CERS6: variants seen among roughly 807,000 people sequenced by gnomAD.
CERS6 encodes the protein LAG1 homolog, ceramide synthase 6.
In CERS6, 26 loss-of-function variants were observed where a neutral mutation model predicts 56.8. The observed-to-expected ratio is 0.46, with a 90% CI of 0.34 to 0.63. The LOEUF (loss-of-function observed/expected upper bound fraction) is 0.63. CERS6 is among the 30% of genes least tolerant of loss of function. The pLI, the probability that CERS6 is intolerant of heterozygous loss-of-function variation, is 0.01. For synonymous variants in CERS6, 164 were observed against 173.3 expected, an observed-to-expected ratio of 0.95 and a Z score of 0.42; for missense variants, 415 against 467.5, an observed-to-expected ratio of 0.89 and a Z score of 1.04.
rs548198272 is a variant in CERS6 at position 168,758,756 on chromosome 2, T to C, written c.846-6836T>C. ...TGGAAGTCGCATGAGAATGGGGAAA[T>C]TGAGCATTGGAGGTAGGTTTTTTGG... On this transcript the variant is annotated intron_variant, in intron 8 of 9. Coordinates refer to ENST00000305747, the MANE Select transcript of CERS6 (RefSeq NM_203463.3). 7.2e-5 allele frequency among the ~76,000 whole-genome samples: 11 copies of C among 152,288 alleles called. No homozygotes were observed. In the South Asian group the frequency reaches 2.3e-3, roughly 32 times the overall value.
intron 4 of CERS6, among the ~76,000 whole-genome samples, chr2:168,666,908 C>T (rs1382147305): frequency 6.6e-6 from 1 of 152,152 alleles, no homozygotes; most frequent in East Asian, 1.9e-4. Context: ...CTCATGCTGT[C>T]AGCATGTCAT....
intron 8 of CERS6, among the ~76,000 whole-genome samples, chr2:168,738,177 A>G (rs1285862231): frequency 6.6e-6 from 1 of 152,226 alleles, no homozygotes; most frequent in Non-Finnish European, 1.5e-5. Flanking sequence ...ATTATGAGTT[A>G]GGATTCCCTC....
chr2:168,731,795 A>G (rs139505193), intron 8 of CERS6, among the ~76,000 whole-genome samples: 23 of 152,330 alleles, frequency 1.5e-4, no homozygotes, highest in East Asian at 1.4e-3. Flanking sequence ...CCTCAAATTC[A>G]TAACAAACTC....
At chr2:168,683,798 G>T (rs545224984) in intron 4 of CERS6, among the ~76,000 whole-genome samples, 8 of 152,278 alleles carry the variant, frequency 5.3e-5, no homozygotes, top group African/African-American at 1.7e-4. Flanking sequence ...CATATCCCCA[G>T]ACTCTTGAGA....
Position 168,562,294 on chromosome 2 carries a change from C to G in CERS6, c.407+972C>G, listed in dbSNP as rs150046792. On this transcript the variant is annotated intron_variant, in intron 3 of 9. Coordinates refer to ENST00000305747, the MANE Select transcript of CERS6 (RefSeq NM_203463.3). Reference sequence around the variant, plus strand: ...CTCCACACCTGTGGGTATTTCTAGTCGGGTGGGATGAGAGACTGAGAAAAG... The same window carrying G: ...CTCCACACCTGTGGGTATTTCTAGTGGGGTGGGATGAGAGACTGAGAAAAG... 1.1e-4 allele frequency among the ~76,000 whole-genome samples: 16 copies of G among 152,152 alleles called. No individual in the cohort carries two copies. In the East Asian group the frequency reaches 3.1e-3, roughly 29 times the overall value.
intron 8 of CERS6, among the ~76,000 whole-genome samples, chr2:168,734,014 C>T (rs1054743875): frequency 6.6e-6 from 1 of 152,166 alleles, no homozygotes; most frequent in Non-Finnish European, 1.5e-5. Context: ...TTCTCTTCTT[C>T]ATCCATAAAA....
rs1684922328 is a variant in CERS6 at position 168,773,678 on chromosome 2, A to G, written c.*4016A>G. 6.6e-6 allele frequency: 1 copy of G among 152,186 alleles called. No individual in the cohort carries two copies. Among genetic ancestry groups the G allele is most frequent in the Non-Finnish European group, 1.5e-5 (1 of 68,034 alleles). The allele number at this position is 152,186 out of a possible 1,614,324, so 9.4% of individuals were successfully genotyped here. A position where few individuals can be genotyped will look rare whatever the true frequency, so the allele number is the denominator to read the frequency against. Reference sequence around the variant, plus strand: ...GCCGCCCTTGAAGAAAACGCAGCAAAATATTTTAAAATGAAGATATTGCAG... The same window carrying G: ...GCCGCCCTTGAAGAAAACGCAGCAAGATATTTTAAAATGAAGATATTGCAG... On this transcript the variant is annotated 3_prime_UTR_variant, in exon 10 of 10. Coordinates refer to ENST00000305747, the MANE Select transcript of CERS6 (RefSeq NM_203463.3).
chr2:168,499,580 G>A (rs751538518), intron 1 of CERS6, among the ~76,000 whole-genome samples: 1 of 152,136 alleles, frequency 6.6e-6, no homozygotes, highest in Non-Finnish European at 1.5e-5. Context: ...AATTTTTTCT[G>A]TATGGGTTTC....
At chr2:168,767,235 G>A (rs1429736523) in intron 9 of CERS6, among the ~76,000 whole-genome samples, 1 of 152,150 alleles carries the variant, frequency 6.6e-6, no homozygotes, top group Non-Finnish European at 1.5e-5. Flanking sequence ...TGCCCTTGCG[G>A]CTCTCACCTG....
chr2:168,587,171 G>A (rs1222479059), intron 3 of CERS6, among the ~76,000 whole-genome samples: 7 of 152,044 alleles, frequency 4.6e-5, no homozygotes, highest in Admixed American at 2.0e-4. Flanking sequence ...GAGCAAGACT[G>A]TCTCAAAAAT....
chr2:168,674,007 A>T (rs1685989267), intron 4 of CERS6, among the ~76,000 whole-genome samples: 1 of 152,196 alleles, frequency 6.6e-6, no homozygotes, highest in African/African-American at 2.4e-5. Context: ...GGAAATACAG[A>T]ACTGTTAATA....
chr2:168,668,223 A>T lies in CERS6; in HGVS notation c.466-22811A>T, dbSNP rs79960489. Among the ~76,000 whole-genome samples the T allele has an allele frequency of 0.014, 2,202 of 152,184 alleles. 112 individuals are homozygous for T. The East Asian group carries it at 0.16, about 11-fold the overall frequency. Reference sequence around the variant, plus strand: ...ATCTCAAATGTTCTTCAATGACAAAACCAAACTCATTCTCTTTCCTAACCC... The same window carrying T: ...ATCTCAAATGTTCTTCAATGACAAATCCAAACTCATTCTCTTTCCTAACCC... On this transcript the variant is annotated intron_variant, in intron 4 of 9. Coordinates refer to ENST00000305747, the MANE Select transcript of CERS6 (RefSeq NM_203463.3).
At chr2:168,686,739 G>T (rs890245847) in intron 4 of CERS6, among the ~76,000 whole-genome samples, 2 of 152,138 alleles carry the variant, frequency 1.3e-5, no homozygotes, top group East Asian at 3.9e-4. Flanking sequence ...GCCTAGGTTT[G>T]ATTTCCACTT....
At chr2:168,481,893 G>A (rs1694184255) in intron 1 of CERS6, among the ~76,000 whole-genome samples, 1 of 152,172 alleles carries the variant, frequency 6.6e-6, no homozygotes, top group Non-Finnish European at 1.5e-5. Flanking sequence ...AGTAGTTTTG[G>A]TTTAGAAGTT....
intron 1 of CERS6, among the ~76,000 whole-genome samples, chr2:168,489,957 A>C (rs1050114354): frequency 6.6e-6 from 1 of 152,222 alleles, no homozygotes; most frequent in East Asian, 1.9e-4. Flanking sequence ...TAATCTTCTA[A>C]ATAATGTTGA....
intron 8 of CERS6, among the ~76,000 whole-genome samples, chr2:168,763,804 G>A (rs931665893): frequency 6.6e-6 from 1 of 152,218 alleles, no homozygotes; most frequent in Non-Finnish European, 1.5e-5. Flanking sequence ...GCACTTAGGT[G>A]AGTTTTCTTG....
chr2:168,676,059 G>A (rs981276957), intron 4 of CERS6, among the ~76,000 whole-genome samples: 1 of 152,190 alleles, frequency 6.6e-6, no homozygotes, highest in African/African-American at 2.4e-5. Context: ...GTAGAAGACA[G>A]CTGGGTTCTT....
intron 3 of CERS6, among the ~76,000 whole-genome samples, chr2:168,623,818 T>C (rs1487612310): frequency 1.3e-5 from 2 of 152,200 alleles, no homozygotes; most frequent in Admixed American, 1.3e-4. Flanking sequence ...ATTTCTAGTC[T>C]TGACTTTAAG....
Position 168,765,586 on chromosome 2 carries a change from C to G in CERS6, c.846-6C>G, listed in dbSNP as rs1225890594. The G allele has an allele frequency of 6.2e-7, 1 of 1,612,080 alleles. No individual in the cohort carries two copies. The highest frequency in any genetic ancestry group is 1.1e-5 in the South Asian group (1 of 90,398). ...CATTCACTAATCACCTCCTTCTTTTCCTTAGGGTGTTAAATACCACATTAT... is the reference window on the plus strand; with the variant it reads ...CATTCACTAATCACCTCCTTCTTTTGCTTAGGGTGTTAAATACCACATTAT... On this transcript the variant is annotated splice_polypyrimidine_tract_variant and splice_region_variant and intron_variant, in intron 8 of 9. Transcript: ENST00000305747.
Sources: allele counts gnomAD v4.1 joint callset (sites outside exome capture counted in the v4.1 genomes callset), GRCh38; gene constraint gnomAD v4.1.1; transcripts MANE v1.5; gene names NCBI Gene and HGNC (gene_info 2026-07-23, HGNC 2026-07-21).